The following BTG4 variants were observed in gnomAD, a reference collection of about 807,000 sequenced individuals.
The protein encoded by BTG4 is protein BTG4.
A neutral mutation model predicts 19.3 loss-of-function variants in BTG4; 10 were observed. The observed-to-expected ratio is 0.52, with a 90% CI of 0.32 to 0.88. BTG4 has a LOEUF of 0.88. Among genes scored for constraint, BTG4 ranks in the 40% least tolerant of loss-of-function variants. The pLI, the probability that BTG4 is intolerant of heterozygous loss-of-function variation, is 0.04. For synonymous variants in BTG4, 91 were observed against 95.7 expected (o/e 0.95, Z 0.29); for missense variants, 238 against 281.9 (o/e 0.84, Z 1.11).
chr11:111,436,823 G>A, the BTG4 span, among the ~76,000 whole-genome samples: 15 of 152,022 alleles, frequency 9.9e-5, no homozygotes, highest in Non-Finnish European at 4.4e-5. Flanking sequence ...AGGCGCCCTC[G>A]AGCGAGCGCC....
chr11:111,420,310 G>C, the BTG4 span, among the ~76,000 whole-genome samples: 1 of 152,168 alleles, frequency 6.6e-6, no homozygotes, highest in Non-Finnish European at 1.5e-5. Flanking sequence ...TCCACAGCAG[G>C]GTAGACCAAT....
chr11:111,390,400 G>A, the BTG4 span, among the ~76,000 whole-genome samples: 1 of 152,172 alleles, frequency 6.6e-6, no homozygotes, highest in Non-Finnish European at 1.5e-5. Context: ...GAGGCAGCCA[G>A]AACAAATATC....
chr11:111,395,492 G>A, the BTG4 span, among the ~76,000 whole-genome samples: 62 of 152,322 alleles, frequency 4.1e-4, no homozygotes, highest in Middle Eastern at 0.01. Context: ...GTGGGTGTCC[G>A]AGAGTCAGGG....
At chr11:111,437,180 G>A in the BTG4 span, among the ~76,000 whole-genome samples, 150 of 151,908 alleles carry the variant, frequency 9.9e-4, no homozygotes, top group Middle Eastern at 3.4e-3. Flanking sequence ...CACAGGACAC[G>A]GTGTTCCAAA....
At chr11:111,483,863 C>G (rs1864889103) in intron 5 of BTG4, among the ~76,000 whole-genome samples, 1 of 151,934 alleles carries the variant, frequency 6.6e-6, no homozygotes, top group Non-Finnish European at 1.5e-5. Flanking sequence ...CATGAATATC[C>G]AAGTACAAGA....
At chr11:111,444,585 T>C in the BTG4 span, among the ~76,000 whole-genome samples, 3 of 152,340 alleles carry the variant, frequency 2.0e-5, no homozygotes, top group East Asian at 5.8e-4. Flanking sequence ...TTGCACATTT[T>C]AAACTAACTT....
intron 1 of BTG4, among the ~76,000 whole-genome samples, chr11:111,501,960 G>A (rs912246260): frequency 4.6e-5 from 7 of 152,020 alleles, no homozygotes; most frequent in Admixed American, 1.3e-4. Flanking sequence ...ATAAACAAAC[G>A]TGAAAGTAGG....
the BTG4 span, among the ~76,000 whole-genome samples, chr11:111,394,133 A>G: frequency 3.3e-5 from 5 of 152,226 alleles, no homozygotes; most frequent in African/African-American, 7.2e-5. Flanking sequence ...AGCACTGAAC[A>G]AGAGAGAGCA....
the BTG4 span, among the ~76,000 whole-genome samples, chr11:111,409,043 G>A: frequency 6.6e-6 from 1 of 152,200 alleles, no homozygotes; most frequent in African/African-American, 2.4e-5. Flanking sequence ...GGGAAAAAGT[G>A]GGATAACGCC....
At chr11:111,424,890 T>C in the BTG4 span, among the ~76,000 whole-genome samples, 140,140 of 152,180 alleles carry the variant, frequency 0.92, 64,871 homozygotes, top group East Asian at 1. Flanking sequence ...ACCTGGGAGA[T>C]AGAGATTGCA....
In BTG4 at chr11:111,498,912, A is replaced by G. The variant is rs779452660; in HGVS notation, c.-26-110T>C. On this transcript the variant is annotated intron_variant, in intron 1 of 4. Coordinates refer to ENST00000692032, the MANE Select transcript of BTG4 (RefSeq NM_001367975.1). ...CATACCTTAAAGTTAAAACTGAGAA[A>G]ATCTGCTAGAAAGAAGTCCTTAGTA... 83 of 717,572 alleles carry G rather than the reference A, an allele frequency of 1.2e-4. No individual in the cohort carries two copies. The Middle Eastern group carries it at 5.3e-3, about 46-fold the overall frequency. 44.5% of individuals were successfully genotyped at this position (717,572 alleles called of 1,614,324 possible). A position where few individuals can be genotyped will look rare whatever the true frequency, so the allele number is the denominator to read the frequency against.
Position 111,508,097 on chromosome 11 carries a change from G to T in BTG4, c.-27+4084C>A, listed in dbSNP as rs188584820. Among the ~76,000 whole-genome samples, 140 of 152,188 alleles carry T rather than the reference G, an allele frequency of 9.2e-4. 1 individual carries two copies. In the East Asian group the frequency reaches 0.024, roughly 26 times the overall value. ...TTCCCCCTCAACACCTCTACTTTTC[G>T]TCGAAGTCTGGAAGTTAATCTTATT... is the stretch of plus-strand genomic sequence containing the variant. On this transcript the variant is annotated intron_variant, in intron 1 of 4. Coordinates refer to ENST00000692032, the MANE Select transcript of BTG4 (RefSeq NM_001367975.1).
the BTG4 span, among the ~76,000 whole-genome samples, chr11:111,454,531 A>G: frequency 6.6e-6 from 1 of 152,092 alleles, no homozygotes; most frequent in Non-Finnish European, 1.5e-5. Context: ...GAGATAGAGG[A>G]TTTCAGATTA....
chr11:111,512,491 C>A (rs1225434793), upstream of BTG4: 1 of 152,294 alleles, frequency 6.6e-6, no homozygotes, highest in African/African-American at 2.4e-5. Flanking sequence ...GTCACTCGGC[C>A]GCTCAGAGCG....
the BTG4 span, among the ~76,000 whole-genome samples, chr11:111,422,355 T>C: frequency 6.6e-6 from 1 of 152,246 alleles, no homozygotes; most frequent in East Asian, 1.9e-4. Context: ...CTGGACTTCC[T>C]CTCATGCTCA....
the BTG4 span, among the ~76,000 whole-genome samples, chr11:111,437,909 C>T: frequency 6.6e-6 from 1 of 152,174 alleles, no homozygotes; most frequent in Non-Finnish European, 1.5e-5. Context: ...AAGGACCAAG[C>T]TCATTCCACT....
the BTG4 span, among the ~76,000 whole-genome samples, chr11:111,421,343 C>G: frequency 6.6e-6 from 1 of 152,196 alleles, no homozygotes; most frequent in Non-Finnish European, 1.5e-5. Flanking sequence ...AGGAGGAGAC[C>G]TGGCTTTGTG....
At chr11:111,421,322 C>T in the BTG4 span, among the ~76,000 whole-genome samples, 5 of 152,174 alleles carry the variant, frequency 3.3e-5, no homozygotes, top group South Asian at 2.1e-4. Context: ...CCTAATGTTG[C>T]CTCCATACAA....
rs375798247 is a variant in BTG4 at position 111,497,426 on chromosome 11, A to G, written c.312-17T>C. ...TCACCATACCTAAGTAGGAAAAGAA[A>G]TTTAAGTGCTAATTAGCGATTCAAC... On this transcript the variant is annotated splice_polypyrimidine_tract_variant and intron_variant, in intron 3 of 4. Coordinates refer to ENST00000692032, the MANE Select transcript of BTG4 (RefSeq NM_001367975.1). 1.5e-6 allele frequency: 2 copies of G among 1,366,530 alleles called. No homozygotes were observed. The highest frequency in any genetic ancestry group is 9.6e-7 in the Non-Finnish European group (1 of 1,046,788). 84.7% of individuals were successfully genotyped at this position (1,366,530 alleles called of 1,614,324 possible).
Sources: allele counts gnomAD v4.1 joint callset (sites outside exome capture counted in the v4.1 genomes callset), GRCh38; gene constraint gnomAD v4.1.1; transcripts MANE v1.5; gene names NCBI Gene and HGNC (gene_info 2026-07-23, HGNC 2026-07-21).